The following CSMD2 variants were observed in gnomAD, a reference collection of about 807,000 sequenced individuals.
CSMD2 encodes CUB and sushi domain-containing protein 2.
CSMD2 carries 130 observed loss-of-function variants against 398.5 expected under a neutral mutation model. The observed-to-expected ratio is 0.33, with a 90% CI of 0.28 to 0.38. The LOEUF is 0.38. Among genes scored for constraint, CSMD2 ranks in the 10% least tolerant of loss-of-function variants. The probability of loss-of-function intolerance (pLI) is 1.00; values close to 1 mark genes in which losing one functional copy is unlikely to be tolerated. For synonymous variants in CSMD2, 1,828 were observed against 1,908.5 expected (o/e 0.96, Z 1.10); for missense variants, 3,829 against 4,764.9 (o/e 0.80, Z 5.78).
At chr1:33,579,680 A>AT in intron 48 of CSMD2, among the ~76,000 whole-genome samples, 1 of 148,586 alleles carries the variant, frequency 6.7e-6, no homozygotes, top group African/African-American at 2.5e-5. Context: ...CTTTTTTTTT[A>AT]ATTTTTTTTT....
intron 27 of CSMD2, among the ~76,000 whole-genome samples, chr1:33,654,236 C>A (rs563584071): frequency 6.6e-6 from 1 of 152,164 alleles, no homozygotes; most frequent in Non-Finnish European, 1.5e-5. Context: ...ATTTTAGATA[C>A]ACTATCTCAT....
rs564094613 is a variant in CSMD2 at position 33,616,134 on chromosome 1, C to CT, written c.6016+771dup. Among the ~76,000 whole-genome samples the CT allele has an allele frequency of 1.2e-4, 18 of 152,292 alleles. No individual in the cohort carries two copies. The South Asian group carries it at 3.5e-3, about 30-fold the overall frequency. On this transcript the variant is annotated intron_variant, in intron 39 of 70. Coordinates refer to ENST00000373381, the MANE Select transcript of CSMD2 (RefSeq NM_001281956.2). ...TTCTGAAGGGGAGATGCTGTCTTTT[C>CT]TTGTGTCTGCTGATCTGCTCATCAC... is the stretch of plus-strand genomic sequence containing the variant.
At chr1:33,800,624 T>C (rs1481413738) in intron 10 of CSMD2, among the ~76,000 whole-genome samples, 1 of 152,094 alleles carries the variant, frequency 6.6e-6, no homozygotes, top group African/African-American at 2.4e-5. Context: ...GTACATAGAC[T>C]ACAATACAGT....
In CSMD2 at chr1:33,514,478, G is replaced by A. The variant is rs1287120055; in HGVS notation, c.*2146C>T. 6.6e-6 allele frequency: 1 copy of A among 150,972 alleles called. No homozygotes were observed. Among genetic ancestry groups the A allele is most frequent in the Non-Finnish European group, 1.5e-5 (1 of 67,824 alleles). The allele number at this position is 150,972 out of a possible 1,614,324, so 9.4% of individuals were successfully genotyped here. A position where few individuals can be genotyped will look rare whatever the true frequency, so the allele number is the denominator to read the frequency against. ...CCTCTGGAGGTGGAGAGAAATGTCA[G>A]GGGTGCGGAGGGTGATGCCCAGCAG... On this transcript the variant is annotated 3_prime_UTR_variant, in exon 71 of 71. Transcript: ENST00000373381.
chr1:33,995,686 G>A (rs981251389), intron 3 of CSMD2, among the ~76,000 whole-genome samples: 1 of 152,176 alleles, frequency 6.6e-6, no homozygotes, highest in South Asian at 2.1e-4. Context: ...TTCAAATTCA[G>A]CTTCCAGCTA....
chr1:34,103,911 A>G (rs1473779850), intron 1 of CSMD2, among the ~76,000 whole-genome samples: 1 of 152,172 alleles, frequency 6.6e-6, no homozygotes, highest in Non-Finnish European at 1.5e-5. Context: ...TTTGGGTTCA[A>G]ATTTCAGATT....
At chr1:33,761,659 C>G (rs1337884697) in intron 13 of CSMD2, among the ~76,000 whole-genome samples, 1 of 152,166 alleles carries the variant, frequency 6.6e-6, no homozygotes, top group East Asian at 1.9e-4. Flanking sequence ...TGTTAGAGAG[C>G]TCCATCATGC....
chr1:34,140,522 T>A (rs1571244784), intron 1 of CSMD2, among the ~76,000 whole-genome samples: 1 of 152,154 alleles, frequency 6.6e-6, no homozygotes, highest in South Asian at 2.1e-4. Flanking sequence ...GCAGGTCCCA[T>A]CACCTTGGCA....
chr1:33,656,503 C>T (rs1262520446), intron 27 of CSMD2, among the ~76,000 whole-genome samples: 2 of 152,194 alleles, frequency 1.3e-5, no homozygotes, highest in Non-Finnish European at 2.9e-5. Flanking sequence ...AACTTCAGGG[C>T]CAGGCCTCAG....
chr1:34,042,612 G>T (rs140699280), intron 2 of CSMD2, among the ~76,000 whole-genome samples: 117 of 152,246 alleles, frequency 7.7e-4, no homozygotes, highest in Admixed American at 1.2e-3. Context: ...GGTTCCCTAG[G>T]CCTCAAGTGA....
chr1:33,647,441 T>C (rs1449203313), intron 28 of CSMD2, among the ~76,000 whole-genome samples: 1 of 152,192 alleles, frequency 6.6e-6, no homozygotes, highest in Non-Finnish European at 1.5e-5. Flanking sequence ...AAAACTTAGT[T>C]GAGCAAATTG....
intron 58 of CSMD2, 70 bp downstream of exon 58, chr1:33,542,650 A>T: frequency 1.4e-6 from 2 of 1,389,160 alleles, no homozygotes; most frequent in South Asian, 2.7e-5. Flanking sequence ...TTCCATGGAT[A>T]GCCTTCTCCT....
chr1:33,794,670 G>A (rs907516378), intron 10 of CSMD2, among the ~76,000 whole-genome samples: 5 of 152,252 alleles, frequency 3.3e-5, no homozygotes, highest in African/African-American at 1.2e-4. Context: ...TGGCAGTAAA[G>A]GCATGACATG....
intron 4 of CSMD2, among the ~76,000 whole-genome samples, chr1:33,934,072 A>G (rs1644392602): frequency 6.6e-6 from 1 of 152,242 alleles, no homozygotes. Context: ...CTTGGTGTCA[A>G]TAACAAAAAG....
chr1:34,095,939 T>C (rs56092603), intron 1 of CSMD2, among the ~76,000 whole-genome samples: 2,283 of 151,244 alleles, frequency 0.015, 34 homozygotes, highest in East Asian at 0.043. Flanking sequence ...ATACCAAAGC[T>C]GGGCAGAGAC....
chr1:33,998,176 T>A (rs1483782879), intron 3 of CSMD2, among the ~76,000 whole-genome samples: 1 of 152,048 alleles, frequency 6.6e-6, no homozygotes, highest in East Asian at 1.9e-4. Flanking sequence ...CTGGTGGCTT[T>A]ATAAGAAAAT....
chr1:33,704,182 A>G (rs1645700008), intron 22 of CSMD2, among the ~76,000 whole-genome samples: 1 of 152,220 alleles, frequency 6.6e-6, no homozygotes, highest in Admixed American at 6.5e-5. Flanking sequence ...TTATTTGGTT[A>G]TAGAAACACC....
At chr1:33,600,529 G>C in intron 44 of CSMD2, 2 of 502,430 alleles carry the variant, frequency 4.0e-6, no homozygotes, top group South Asian at 5.7e-5. Flanking sequence ...GAACCCGCTA[G>C]AAAGTGCTAA....
chr1:33,653,585 G>A (rs1315946765), intron 27 of CSMD2, among the ~76,000 whole-genome samples: 1 of 152,142 alleles, frequency 6.6e-6, no homozygotes, highest in African/African-American at 2.4e-5. Flanking sequence ...TCTCAAGCAG[G>A]TGGGGAGGGA....
Sources: gnomAD v4.1 joint callset for allele counts (sites outside exome capture counted in the v4.1 genomes callset) on GRCh38, gnomAD v4.1.1 for gene constraint, MANE v1.5 for transcripts, NCBI Gene and HGNC (gene_info 2026-07-23, HGNC 2026-07-21) for gene names.